The following UPF2 variants were observed in gnomAD, a reference collection of about 807,000 sequenced individuals.
UPF2 encodes the protein UPF2 regulator of nonsense mediated mRNA decay.
In UPF2, 17 loss-of-function variants were observed where a neutral mutation model predicts 141.4. The observed-to-expected ratio is 0.12, with a 90% CI of 0.08 to 0.18. UPF2 has a LOEUF of 0.18. Among genes scored for constraint, UPF2 ranks in the 10% least tolerant of loss-of-function variants. The pLI, the probability that UPF2 is intolerant of heterozygous loss-of-function variation, is 1.00. For synonymous variants in UPF2, 540 were observed against 498.0 expected (o/e 1.08, Z -1.12); for missense variants, 1,152 against 1,515.9 (o/e 0.76, Z 3.99).
chr10:11,957,378 G>A (rs368496450), intron 12 of UPF2, among the ~76,000 whole-genome samples: 2 of 151,744 alleles, frequency 1.3e-5, no homozygotes, highest in Non-Finnish European at 2.9e-5. Context: ...GCCGTGAGCC[G>A]AGACTCCACC....
chr10:11,948,761 CTT>C (rs2131179664), intron 15 of UPF2, among the ~76,000 whole-genome samples: 1 of 152,298 alleles, frequency 6.6e-6, no homozygotes, highest in South Asian at 2.1e-4. Context: ...ACTTTTCCCT[CTT>C]TTCTTACAGC....
chr10:11,957,136 A>C (rs1833164727), intron 12 of UPF2, among the ~76,000 whole-genome samples: 2 of 151,968 alleles, frequency 1.3e-5, no homozygotes, highest in Non-Finnish European at 2.9e-5. Flanking sequence ...AGGTCTTTAA[A>C]AACAAAAACG....
chr10:12,036,064 T>G (rs1329131407), intron 1 of UPF2, among the ~76,000 whole-genome samples: 1 of 152,254 alleles, frequency 6.6e-6, no homozygotes, highest in Admixed American at 6.5e-5. Flanking sequence ...TCTTCATCTG[T>G]ATTAGTTAAA....
intron 3 of UPF2, among the ~76,000 whole-genome samples, chr10:12,017,021 G>GAA (rs11329571): frequency 5.2e-5 from 6 of 116,312 alleles, no homozygotes; most frequent in Non-Finnish European, 5.4e-5. Flanking sequence ...CTCCATCTCG[G>GAA]AAAAAAAAAA....
rs1204744093 is a variant in UPF2 at position 11,938,842 on chromosome 10, G to GTTTTT, written c.3379-2135_3379-2131dup. Among the ~76,000 whole-genome samples the GTTTTT allele has an allele frequency of 1.5e-3, 70 of 45,854 alleles. 3 individuals are homozygous for GTTTTT. The highest frequency in any genetic ancestry group is 3.7e-3 in the African/African-American group (52 of 14,230). The allele number at this position is 45,854 out of a possible 152,430, so 30.1% of individuals were successfully genotyped here. A position where few individuals can be genotyped will look rare whatever the true frequency, so the allele number is the denominator to read the frequency against. ...GTCCTAGCCATGTGGTCTTAAGCAA[G>GTTTTT]TTTTTTTTTTGTTTTTTTTTTTTTT... On this transcript the variant is annotated intron_variant, in intron 18 of 21. Coordinates refer to ENST00000357604, the MANE Select transcript of UPF2 (RefSeq NM_015542.4).
At chr10:11,964,606 T>C (rs1833290941) in intron 10 of UPF2, among the ~76,000 whole-genome samples, 1 of 152,252 alleles carries the variant, frequency 6.6e-6, no homozygotes. Flanking sequence ...TTGGTTTCTA[T>C]TGTATCATTT....
intron 3 of UPF2, among the ~76,000 whole-genome samples, chr10:12,020,404 A>T: frequency 6.6e-6 from 1 of 152,116 alleles, no homozygotes; most frequent in East Asian, 1.9e-4. Context: ...GGCATGCGCC[A>T]CTACGCCCGG....
intron 8 of UPF2, among the ~76,000 whole-genome samples, chr10:11,997,467 T>C (rs1439377217): frequency 6.6e-6 from 1 of 152,174 alleles, no homozygotes; most frequent in Non-Finnish European, 1.5e-5. Context: ...AATAATTAGA[T>C]ATCAGAAGAA....
At chr10:12,000,056 C>T in intron 6 of UPF2, 47 bp from the exon 7 acceptor site, 2 of 1,462,804 alleles carry the variant, frequency 1.4e-6, no homozygotes, top group South Asian at 1.2e-5. Context: ...AAAGAGAACA[C>T]AGAATAAAAA....
At chr10:12,022,037 G>A (rs1037920417) in intron 3 of UPF2, among the ~76,000 whole-genome samples, 51 of 152,180 alleles carry the variant, frequency 3.4e-4, no homozygotes, top group African/African-American at 1.2e-3. Flanking sequence ...CTACTCAGGA[G>A]GCTGAGGCAG....
chr10:12,020,576 T>C (rs1834300544), intron 3 of UPF2, among the ~76,000 whole-genome samples: 1 of 152,224 alleles, frequency 6.6e-6, no homozygotes, highest in African/African-American at 2.4e-5. Context: ...AGAGAAATTC[T>C]CATTCAAATG....
chr10:11,939,481 G>A lies in UPF2; in HGVS notation c.3379-2769C>T, dbSNP rs1361284453. On this transcript the variant is annotated intron_variant, in intron 18 of 21. Coordinates refer to ENST00000357604, the MANE Select transcript of UPF2 (RefSeq NM_015542.4). This position sits in a 1 kb window ranked among gnomAD's most constrained non-coding sequence, Gnocchi z 4.8. ...TTCTCCATTTCATTAATCTGTTCCT[G>A]TATCAAACTATTATTGTCAGTTTAA... Among the ~76,000 whole-genome samples the A allele has an allele frequency of 1.3e-5, 2 of 150,280 alleles. No individual in the cohort carries two copies. Among genetic ancestry groups the A allele is most frequent in the Non-Finnish European group, 3.0e-5 (2 of 67,702 alleles).
chr10:11,958,314 C>T (rs928027228), intron 12 of UPF2, among the ~76,000 whole-genome samples: 3 of 152,296 alleles, frequency 2.0e-5, no homozygotes, highest in South Asian at 2.1e-4. Flanking sequence ...AAAATGGATA[C>T]TATTAGCCAA....
intron 8 of UPF2, among the ~76,000 whole-genome samples, chr10:11,996,123 C>T (rs1833860623): frequency 6.6e-6 from 1 of 152,142 alleles, no homozygotes. Flanking sequence ...CACCCCTGTA[C>T]TGTATCTCCA....
intron 12 of UPF2, among the ~76,000 whole-genome samples, chr10:11,957,815 T>A (rs1262909860): frequency 6.6e-6 from 1 of 152,132 alleles, no homozygotes; most frequent in African/African-American, 2.4e-5. Flanking sequence ...CTATGCCAGC[T>A]AATAATCTCA....
intron 4 of UPF2, among the ~76,000 whole-genome samples, chr10:12,007,902 T>TC (rs1391083817): frequency 6.7e-6 from 1 of 150,318 alleles, no homozygotes; most frequent in African/African-American, 2.4e-5. Flanking sequence ...TTTTTTTTTT[T>TC]CTCTCTGACA....
At chr10:11,961,297 T>C (rs1266551370) in intron 11 of UPF2, among the ~76,000 whole-genome samples, 3 of 152,024 alleles carry the variant, frequency 2.0e-5, no homozygotes, top group Non-Finnish European at 4.4e-5. Flanking sequence ...CAATAAGTAC[T>C]GAGATCCGAA....
At chr10:11,925,186 T>C (rs1832696622) in intron 21 of UPF2, among the ~76,000 whole-genome samples, 1 of 152,204 alleles carries the variant, frequency 6.6e-6, no homozygotes, top group Non-Finnish European at 1.5e-5. Context: ...CATGTTTCCA[T>C]GTTTGTTCAT....
At position 11,952,212 on chromosome 10, in the gene UPF2, G is replaced by A. The variant is rs1833084419; in HGVS notation, c.2888C>T (p.Thr963Ile). The A allele has an allele frequency of 6.2e-6, 10 of 1,611,558 alleles. No individual in the cohort carries two copies. Among genetic ancestry groups the A allele is most frequent in the Middle Eastern group, 1.7e-4 (1 of 6,032 alleles). ...VWWKKSLEVWTKDHPFPIDID... is the reference protein window; with the variant it reads ...VWWKKSLEVWIKDHPFPIDID... The stretch of plus-strand genomic sequence containing the variant: ...ATCAATAGGAAATGGATGGTCTTTT[G>A]TCCAAACCTCCAAACTTTTCTTCCA... Residue 963 changes from threonine (T) to isoleucine (I), a missense_variant, in exon 15 of 22, where the codon ACA becomes ATA. Thr to Ile is a moderately conservative substitution (Grantham distance 89). Coordinates refer to ENST00000357604, the MANE Select transcript of UPF2 (RefSeq NM_015542.4).
Sources: allele counts gnomAD v4.1 joint callset (sites outside exome capture counted in the v4.1 genomes callset), GRCh38; gene constraint gnomAD v4.1.1; non-coding constraint Gnocchi (gnomAD v3.1); transcripts MANE v1.5; gene names NCBI Gene and HGNC (gene_info 2026-07-23, HGNC 2026-07-21).